Variants in PKP2 observed in about 807,000 individuals in gnomAD.
PKP2 encodes the protein plakophilin-2.
Under a neutral mutation model 83.4 loss-of-function variants are expected in PKP2, and 73 were observed. That is an observed-to-expected ratio of 0.88 (90% CI 0.72 to 1.06). PKP2 has a LOEUF of 1.06. Ranked by LOEUF, PKP2 falls within the 50% of genes least tolerant of loss-of-function variation. PKP2 has a pLI of 0.00. For synonymous variants in PKP2, 409 were observed against 430.4 expected (o/e 0.95, Z 0.62); for missense variants, 966 against 1,065.4 (o/e 0.91, Z 1.30).
chr12:32,800,962 C>T (rs1334679770), intron 10 of PKP2, among the ~76,000 whole-genome samples: 1 of 152,232 alleles, frequency 6.6e-6, no homozygotes, highest in African/African-American at 2.4e-5. Context: ...GCTTAGAAAG[C>T]TCTCATGAGA....
rs182798049 is a variant in PKP2 at position 32,842,588 on chromosome 12, C to T, written c.1379-1383G>A. On this transcript the variant is annotated intron_variant, in intron 5 of 12. Coordinates refer to ENST00000340811, the MANE Select transcript of PKP2 (RefSeq NM_001005242.3). The stretch of plus-strand genomic sequence containing the variant: ...ATGGGTTACACTAACTCACTAATGC[C>T]CAGGAAAAGGAGAAGAGGGGCAGAA... 5.9e-3 allele frequency among the ~76,000 whole-genome samples: 904 copies of T among 152,000 alleles called. 28 individuals are homozygous for T. The highest frequency in any genetic ancestry group is 0.055 in the Admixed American group (838 of 15,282).
chr12:32,848,128 G>A (rs1430124594), intron 5 of PKP2, among the ~76,000 whole-genome samples: 3 of 152,170 alleles, frequency 2.0e-5, no homozygotes, highest in Non-Finnish European at 4.4e-5. Flanking sequence ...TGGCAAGAGC[G>A]TAGCATGGTA....
At chr12:32,889,125 C>T (rs923265916) in intron 1 of PKP2, among the ~76,000 whole-genome samples, 33 of 152,082 alleles carry the variant, frequency 2.2e-4, no homozygotes, top group African/African-American at 7.7e-4. Flanking sequence ...AGGGACACAA[C>T]TGAACTAAGT....
intron 1 of PKP2, among the ~76,000 whole-genome samples, chr12:32,887,465 T>C (rs920735481): frequency 3.9e-5 from 6 of 152,324 alleles, no homozygotes; most frequent in Middle Eastern, 3.4e-3. Flanking sequence ...CTCCCACTTT[T>C]TTTATTGAGA....
intron 6 of PKP2, among the ~76,000 whole-genome samples, chr12:32,825,116 C>A (rs1270038970): frequency 6.7e-6 from 1 of 149,012 alleles, no homozygotes; most frequent in East Asian, 2.0e-4. Flanking sequence ...CTATTCCCAA[C>A]TTTAATTGCT....
At chr12:32,862,182 C>A (rs921158919) in intron 4 of PKP2, among the ~76,000 whole-genome samples, 4 of 151,948 alleles carry the variant, frequency 2.6e-5, no homozygotes, top group Non-Finnish European at 5.9e-5. Flanking sequence ...CAGGCGTGAG[C>A]CACCACGCCG....
intron 9 of PKP2, among the ~76,000 whole-genome samples, chr12:32,807,157 G>C (rs1311140162): frequency 2.0e-5 from 3 of 152,106 alleles, no homozygotes; most frequent in Non-Finnish European, 4.4e-5. Context: ...AGTGCTGTAG[G>C]GTGAGAAGAA....
chr12:32,821,734 A>G (rs967418291), intron 8 of PKP2: 11 of 553,936 alleles, frequency 2.0e-5, no homozygotes, highest in Non-Finnish European at 2.9e-5. Flanking sequence ...TCCTAATAAC[A>G]CTCCACACCC....
intron 3 of PKP2, among the ~76,000 whole-genome samples, chr12:32,874,803 C>T (rs1956919536): frequency 6.6e-6 from 1 of 152,072 alleles, no homozygotes; most frequent in Admixed American, 6.6e-5. Context: ...TACAGTGGCA[C>T]AATCACAGCT....
intron 9 of PKP2, chr12:32,820,420 A>C (rs1410369221): frequency 6.6e-6 from 1 of 152,188 alleles, no homozygotes; most frequent in Non-Finnish European, 1.5e-5. Flanking sequence ...TATAAAATAC[A>C]TGGGGAAGGG....
intron 1 of PKP2, among the ~76,000 whole-genome samples, chr12:32,892,804 A>G (rs1957085165): frequency 8.6e-5 from 1 of 11,598 alleles, no homozygotes; most frequent in Non-Finnish European, 2.0e-4. Flanking sequence ...CCACTCAGAT[A>G]CCTGGGGTGG....
intron 9 of PKP2, among the ~76,000 whole-genome samples, chr12:32,816,298 A>G (rs1400278967): frequency 1.3e-5 from 2 of 152,024 alleles, no homozygotes; most frequent in Admixed American, 6.6e-5. Flanking sequence ...ATGAGTAACC[A>G]TGGTTTAACT....
At chr12:32,852,859 G>A (rs1016975738) in intron 4 of PKP2, among the ~76,000 whole-genome samples, 1 of 152,020 alleles carries the variant, frequency 6.6e-6, no homozygotes, top group East Asian at 1.9e-4. Flanking sequence ...CAAGGTGGGC[G>A]GATCATGAGG....
At chr12:32,839,524 A>G (rs1474400385) in intron 6 of PKP2, among the ~76,000 whole-genome samples, 1 of 151,844 alleles carries the variant, frequency 6.6e-6, no homozygotes, top group African/African-American at 2.4e-5. Context: ...AAAAAGAGTG[A>G]GTCCTAGGAA....
At chr12:32,844,879 A>G (rs536372354) in intron 5 of PKP2, among the ~76,000 whole-genome samples, 1 of 152,342 alleles carries the variant, frequency 6.6e-6, no homozygotes, top group Non-Finnish European at 1.5e-5. Flanking sequence ...CAGTTTGGGC[A>G]TGAGGAAACC....
intron 1 of PKP2, among the ~76,000 whole-genome samples, chr12:32,889,514 T>TACTG (rs1957059074): frequency 6.6e-6 from 1 of 152,240 alleles, no homozygotes; most frequent in African/African-American, 2.4e-5. Flanking sequence ...CTTGTATCAG[T>TACTG]ACTTGACAAG....
chr12:32,807,505 T>C (rs888455481), intron 9 of PKP2, among the ~76,000 whole-genome samples: 2 of 152,212 alleles, frequency 1.3e-5, no homozygotes. Context: ...TGTCTTTCAA[T>C]TGGTGCATTT....
intron 10 of PKP2, 49 bp downstream of exon 10, chr12:32,802,354 T>C: frequency 1.3e-6 from 2 of 1,561,934 alleles, no homozygotes; most frequent in Non-Finnish European, 1.8e-6. Flanking sequence ...TTCATTGCAT[T>C]GTATCTTCAG....
At chr12:32,851,352 G>C (rs562425229) in intron 4 of PKP2, among the ~76,000 whole-genome samples, 2 of 152,086 alleles carry the variant, frequency 1.3e-5, no homozygotes. Flanking sequence ...CCAAAATTAC[G>C]TAAGTTTTTT....
Sources: allele counts gnomAD v4.1 joint callset (sites outside exome capture counted in the v4.1 genomes callset), GRCh38; gene constraint gnomAD v4.1.1; transcripts MANE v1.5; gene names NCBI Gene and HGNC (gene_info 2026-07-23, HGNC 2026-07-21).